The following FGG variants were observed in gnomAD, a reference collection of about 807,000 sequenced individuals.
FGG encodes fibrinogen, gamma polypeptide.
In FGG, 20 loss-of-function variants were observed where a neutral mutation model predicts 51.7. The observed-to-expected ratio is 0.39, with a 90% CI of 0.27 to 0.56. The LOEUF is 0.56. FGG is among the 20% of genes least tolerant of loss of function. The pLI is 0.64. For synonymous variants in FGG, 184 were observed against 184.7 expected (o/e 1.00, Z 0.03); for missense variants, 460 against 534.2 (o/e 0.86, Z 1.37).
chr4:154,608,806 A>T (rs1197140508), intron 6 of FGG, among the ~76,000 whole-genome samples, 156 bp from the exon 7 acceptor site: 6 of 152,218 alleles, frequency 3.9e-5, no homozygotes, highest in African/African-American at 1.4e-4. Context: ...TCATGTATCA[A>T]ATAGGAAAAA....
At chr4:154,611,660 C>A in intron 4 of FGG, 145 bp downstream of exon 4, 1 of 618,170 alleles carries the variant, frequency 1.6e-6, no homozygotes, top group African/African-American at 1.8e-5. Flanking sequence ...ACTTCTATCT[C>A]TACTATGCTC....
At chr4:154,609,792 G>A in intron 5 of FGG, 29 bp from the exon 6 acceptor site, 2 of 1,613,850 alleles carry the variant, frequency 1.2e-6, no homozygotes, top group Non-Finnish European at 1.7e-6. Context: ...CTTTTACTGT[G>A]GTTTGAAATG....
At chr4:154,610,447 A>G (rs1049993809) in intron 4 of FGG, among the ~76,000 whole-genome samples, 3 of 152,210 alleles carry the variant, frequency 2.0e-5, no homozygotes, top group Non-Finnish European at 4.4e-5. Flanking sequence ...TGTGGACCTG[A>G]ATCTTTTTAC....
chr4:154,612,161 A>G lies in FGG; in HGVS notation c.164T>C (p.Leu55Pro). Residue 55 changes from leucine (L) to proline (P), a missense_variant, in exon 3 of 9, where the codon CTG becomes CCG. Physicochemically the swap from Leu to Pro is moderately conservative, Grantham distance 98 (BLOSUM62 -3). This residue lies in a region of FGG where 353 missense variants were observed against 391.7 expected (regional missense o/e 0.90). Transcript: ENST00000336098. Reference sequence around the variant, plus strand: ...GTCTACTTTGGTTTGATAAGTAGACAGGAAATCTGCAATGCCACAGGTAGT... The same window carrying G: ...GTCTACTTTGGTTTGATAAGTAGACGGGAAATCTGCAATGCCACAGGTAGT... The part of the protein sequence containing the change: ...CPTTCGIADF[L>P]STYQTKVDKD... 6.2e-7 allele frequency: 1 copy of G among 1,611,406 alleles called. No homozygotes were observed. The highest frequency in any genetic ancestry group is 8.5e-7 in the Non-Finnish European group (1 of 1,178,804).
At position 154,604,873 on chromosome 4, in the gene FGG, T is replaced by C. The variant is rs1315094317; in HGVS notation, c.1323A>G (p.Glu441=). 1 of 1,614,102 alleles carries C rather than the reference T, an allele frequency of 6.2e-7. No homozygotes were observed. Among genetic ancestry groups the C allele is most frequent in the South Asian group, 1.1e-5 (1 of 91,086 alleles). Reference sequence around the variant, plus strand: ...CAGGGTAAAGTGAGTCATATTCTGTTTCCGCAGGGTGCTCTGGTCTGACCT... The same window carrying C: ...CAGGGTAAAGTGAGTCATATTCTGTCTCCGCAGGGTGCTCTGGTCTGACCT... The part of the protein sequence containing the change: ...AKQVRPEHPA[E]TEYDSLYPED... The change falls in exon 9 of 9, where the codon GAA becomes GAG. Residue 441 remains glutamate, a synonymous_variant. Coordinates refer to ENST00000336098, the MANE Select transcript of FGG (RefSeq NM_021870.3).
In FGG at chr4:154,604,997, G is replaced by T; in HGVS notation, c.1199C>A (p.Thr400Asn). The T allele has an allele frequency of 6.2e-7, 1 of 1,614,020 alleles. No individual in the cohort carries two copies. Among genetic ancestry groups the T allele is most frequent in the Non-Finnish European group, 8.5e-7 (1 of 1,179,972 alleles). ...DNGIIWATWK[T>N]RWYSMKKTTM... is the part of the protein sequence containing the mutation. The stretch of plus-strand genomic sequence containing the variant: ...GGTTTTCTTCATGGAATACCACCGG[G>T]TTTTCCAAGTGGCCCAAATAATGCC... Residue 400 changes from threonine to asparagine, a missense_variant, in exon 9 of 9, where the codon ACC becomes AAC. Thr to Asn is a moderately conservative substitution (Grantham distance 65). Transcript: ENST00000336098.
At chr4:154,608,712 G>T in intron 6 of FGG, 62 bp from the exon 7 acceptor site, 1 of 1,468,062 alleles carries the variant, frequency 6.8e-7, no homozygotes, top group Non-Finnish European at 9.4e-7. Context: ...TAAAGAGAAT[G>T]CTGTCAACAT....
chr4:154,609,247 T>G (rs1381263136), intron 6 of FGG, among the ~76,000 whole-genome samples: 1 of 152,086 alleles, frequency 6.6e-6, no homozygotes, highest in Non-Finnish European at 1.5e-5. Context: ...CATCTTGTGA[T>G]GGGAAACCTC....
At chr4:154,608,715 G>A in intron 6 of FGG, 65 bp from the exon 7 acceptor site, 1 of 1,462,492 alleles carries the variant, frequency 6.8e-7, no homozygotes, top group Non-Finnish European at 9.5e-7. Flanking sequence ...AGAGAATGCT[G>A]TCAACATTTT....
chr4:154,609,164 C>G (rs989792134), intron 6 of FGG, among the ~76,000 whole-genome samples: 1 of 151,974 alleles, frequency 6.6e-6, no homozygotes, highest in Non-Finnish European at 1.5e-5. Flanking sequence ...CTTGGAGCAG[C>G]CCAAGTGTAT....
chr4:154,610,093 A>T lies in FGG; in HGVS notation c.506T>A (p.Val169Glu). ...AQCQEPCKDTVQIHDITGKDC... is the reference protein window; with the variant it reads ...AQCQEPCKDTEQIHDITGKDC... ...TTTCCCAGTGATATCATGGATTTGCACCGTGTCTTTGCAAGGTTCCTGGCA... is the reference window on the plus strand; with the variant it reads ...TTTCCCAGTGATATCATGGATTTGCTCCGTGTCTTTGCAAGGTTCCTGGCA... Residue 169 changes from valine to glutamate, a missense_variant, in exon 5 of 9, where the codon GTG becomes GAG. By Grantham distance (121) the Val-to-Glu change is moderately radical. This residue lies in a region of FGG where 353 missense variants were observed against 391.7 expected (regional missense o/e 0.90). Coordinates refer to ENST00000336098, the MANE Select transcript of FGG (RefSeq NM_021870.3). The T allele has an allele frequency of 6.2e-7, 1 of 1,613,800 alleles. No individual in the cohort carries two copies. The highest frequency in any genetic ancestry group is 1.3e-5 in the African/African-American group (1 of 75,008).
chr4:154,609,681 T>C lies in FGG; in HGVS notation c.615A>G (p.Leu205=). ...IKPLKANQQF[L]VYCEIDGSGN... is the part of the protein sequence containing the mutation. The stretch of plus-strand genomic sequence containing the variant: ...CAGACCCATCGATTTCACAGTAGAC[T>C]AAGAATTGCTGGTTAGCTTTCAGAG... The change falls in exon 6 of 9, where the codon TTA becomes TTG. Residue 205 remains leucine (L), a synonymous_variant. Transcript: ENST00000336098. 1 of 1,614,016 alleles carries C rather than the reference T, an allele frequency of 6.2e-7. No individual in the cohort carries two copies.
intron 6 of FGG, among the ~76,000 whole-genome samples, chr4:154,608,877 A>G (rs1731151010): frequency 6.6e-6 from 1 of 152,188 alleles, no homozygotes; most frequent in South Asian, 2.1e-4. Context: ...AGAAATACTT[A>G]AGAGGGTTTC....
intron 7 of FGG, among the ~76,000 whole-genome samples, chr4:154,608,144 C>G (rs1183355421): frequency 6.6e-6 from 1 of 152,068 alleles, no homozygotes; most frequent in Non-Finnish European, 1.5e-5. Context: ...ATAATAATAC[C>G]TGCTTCATGA....
chr4:154,608,746 G>T (rs1731148277), intron 6 of FGG, 96 bp from the exon 7 acceptor site: 3 of 1,168,200 alleles, frequency 2.6e-6, no homozygotes, highest in Non-Finnish European at 3.8e-6. Context: ...CAGAGCACTG[G>T]TTCTATCAAC....
chr4:154,609,981 C>G, intron 5 of FGG, 86 bp downstream of exon 5: 1 of 1,583,692 alleles, frequency 6.3e-7, no homozygotes, highest in East Asian at 2.2e-5. Flanking sequence ...ACTTTCTAAA[C>G]TATTCCTATA....
chr4:154,606,620 T>G (rs745627162), intron 8 of FGG, 85 bp downstream of exon 8: 25 of 1,383,816 alleles, frequency 1.8e-5, no homozygotes, highest in Non-Finnish European at 2.4e-5. Context: ...TAAATTATTC[T>G]TCATTTCTTC....
At chr4:154,606,498 A>G in intron 8 of FGG, among the ~76,000 whole-genome samples, 1 of 152,218 alleles carries the variant, frequency 6.6e-6, no homozygotes, top group African/African-American at 2.4e-5. Flanking sequence ...ATTTTGCAGC[A>G]GGTGGATTTC....
Position 154,608,640 on chromosome 4 carries a change from C to A in FGG, c.677G>T (p.Gly226Val), listed in dbSNP as rs1310452604. 3.1e-6 allele frequency: 5 copies of A among 1,611,296 alleles called. No individual in the cohort carries two copies. Among genetic ancestry groups the A allele is most frequent in the Non-Finnish European group, 1.7e-6 (2 of 1,179,620 alleles). ...GWTVFQKRLDGSVDFKKNWIQ... is the reference protein window; with the variant it reads ...GWTVFQKRLDVSVDFKKNWIQ... ...CCAGTTTTTCTTGAAATCTACACTG[C>A]CATCAAGTCTCTAATTACACATTTG... Residue 226 changes from glycine to valine, a missense_variant, in exon 7 of 9, where the codon GGC becomes GTC. Physicochemically the swap from Gly to Val is moderately radical, Grantham distance 109. This residue lies in a region of FGG where 353 missense variants were observed against 391.7 expected (regional missense o/e 0.90). Coordinates refer to ENST00000336098, the MANE Select transcript of FGG (RefSeq NM_021870.3).
Sources: allele counts gnomAD v4.1 joint callset (sites outside exome capture counted in the v4.1 genomes callset), GRCh38; gene constraint gnomAD v4.1.1; regional missense constraint gnomAD v4.1.1; transcripts MANE v1.5; gene names NCBI Gene and HGNC (gene_info 2026-07-23, HGNC 2026-07-21).